The following TUSC3 variants were observed in gnomAD, a reference collection of about 807,000 sequenced individuals.
TUSC3 encodes dolichyl-diphosphooligosaccharide--protein glycosyltransferase subunit TUSC3.
A neutral mutation model predicts 44.8 loss-of-function variants in TUSC3; 45 were observed. The observed-to-expected ratio is 1.00, with a 90% CI of 0.79 to 1.29. TUSC3 has a LOEUF of 1.29. TUSC3 is among the 50% of genes most tolerant of loss of function. The pLI, the probability that TUSC3 is intolerant of heterozygous loss-of-function variation, is 0.00. For missense variants in TUSC3, 519 were observed against 437.9 expected, an observed-to-expected ratio of 1.19 and a Z score of -1.65; for synonymous variants, 212 against 152.9, an observed-to-expected ratio of 1.39 and a Z score of -2.85.
chr8:15,786,935 C>T, the TUSC3 span, among the ~76,000 whole-genome samples: 5 of 105,226 alleles, frequency 4.8e-5, no homozygotes, highest in African/African-American at 2.0e-4. Flanking sequence ...CAGAGGGAGA[C>T]TCCATCAAAA....
intron 2 of TUSC3, among the ~76,000 whole-genome samples, chr8:15,506,758 A>G: frequency 6.6e-6 from 1 of 152,046 alleles, no homozygotes; most frequent in East Asian, 1.9e-4. Context: ...CTCCCACAAC[A>G]CGTGAGGATT....
At chr8:15,435,009 T>C (rs1799927538) in intron 1 of TUSC3, among the ~76,000 whole-genome samples, 1 of 148,546 alleles carries the variant, frequency 6.7e-6, no homozygotes, top group African/African-American at 2.6e-5. Context: ...TGTGCATGTG[T>C]CTTTATAGCA....
intron 1 of TUSC3, among the ~76,000 whole-genome samples, chr8:15,463,321 C>G (rs1449407655): frequency 6.6e-6 from 1 of 152,094 alleles, no homozygotes; most frequent in Admixed American, 6.6e-5. Context: ...TCCGTCATCA[C>G]TATGAATCAC....
At chr8:15,753,607 A>G (rs1387845822) in intron 9 of TUSC3, among the ~76,000 whole-genome samples, 1 of 152,064 alleles carries the variant, frequency 6.6e-6, no homozygotes. Context: ...GTAATAATAT[A>G]TTTTACTTGG....
the TUSC3 span, among the ~76,000 whole-genome samples, chr8:15,775,715 T>C: frequency 6.9e-6 from 1 of 144,732 alleles, no homozygotes; most frequent in East Asian, 2.0e-4. Flanking sequence ...TACATATATA[T>C]ACACACACAA....
At chr8:15,502,677 G>C (rs1290332489) in intron 2 of TUSC3, among the ~76,000 whole-genome samples, 1 of 152,174 alleles carries the variant, frequency 6.6e-6, no homozygotes, top group Admixed American at 6.5e-5. Flanking sequence ...ATTTTTAGTA[G>C]AGTCAGGGTT....
chr8:15,489,361 C>G (rs1224155986), intron 2 of TUSC3, among the ~76,000 whole-genome samples: 1 of 152,114 alleles, frequency 6.6e-6, no homozygotes, highest in Admixed American at 6.5e-5. Flanking sequence ...AACCAAGGTT[C>G]TTATTATGCA....
chr8:15,797,590 T>C, the TUSC3 span, among the ~76,000 whole-genome samples: 1 of 152,126 alleles, frequency 6.6e-6, no homozygotes, highest in Non-Finnish European at 1.5e-5. Flanking sequence ...GGAAAAACAT[T>C]GGAAATTAAA....
chr8:15,819,827 G>C, the TUSC3 span, among the ~76,000 whole-genome samples: 1 of 152,174 alleles, frequency 6.6e-6, no homozygotes, highest in African/African-American at 2.4e-5. Flanking sequence ...AAATTTTCTA[G>C]AACTTGGGCG....
At chr8:15,607,136 A>G (rs530638271) in intron 1 of TUSC3, among the ~76,000 whole-genome samples, 1 of 152,078 alleles carries the variant, frequency 6.6e-6, no homozygotes, top group African/African-American at 2.4e-5. Flanking sequence ...TCCTGCCACA[A>G]ATGGTTGGGG....
At chr8:15,745,992 T>C (rs533703998) in intron 8 of TUSC3, among the ~76,000 whole-genome samples, 2 of 152,132 alleles carry the variant, frequency 1.3e-5, no homozygotes, top group African/African-American at 4.8e-5. Context: ...TAGCCAGTTA[T>C]CCCAGCAACA....
At chr8:15,618,970 T>C (rs368550475) in intron 1 of TUSC3, among the ~76,000 whole-genome samples, 2 of 152,228 alleles carry the variant, frequency 1.3e-5, no homozygotes, top group Admixed American at 6.5e-5. Flanking sequence ...CACATGACTG[T>C]ATTTCTGTGG....
intron 1 of TUSC3, among the ~76,000 whole-genome samples, chr8:15,560,208 A>G (rs1372709656): frequency 1.4e-5 from 2 of 146,344 alleles, no homozygotes; most frequent in African/African-American, 2.5e-5. Context: ...GGTGGTGACA[A>G]AATCTCTCAG....
intron 2 of TUSC3, among the ~76,000 whole-genome samples, chr8:15,531,020 C>G (rs1237172762): frequency 6.6e-6 from 1 of 152,122 alleles, no homozygotes; most frequent in Non-Finnish European, 1.5e-5. Context: ...AGCCTCAGGT[C>G]CGCATGTGTA....
At chr8:15,640,688 A>G (rs932342435) in intron 2 of TUSC3, among the ~76,000 whole-genome samples, 4 of 152,168 alleles carry the variant, frequency 2.6e-5, no homozygotes, top group African/African-American at 9.7e-5. Context: ...GTATGGTGCT[A>G]TTATATTGAT....
At chr8:15,473,583 G>C (rs1248872965) in intron 1 of TUSC3, among the ~76,000 whole-genome samples, 3 of 152,168 alleles carry the variant, frequency 2.0e-5, no homozygotes, top group Non-Finnish European at 2.9e-5. Flanking sequence ...AAGAGAAAGA[G>C]TACAAAGAGA....
rs2129179090 is a variant in TUSC3 at position 15,659,614 on chromosome 8, A to G, written c.534A>G (p.Leu178=). The change falls in exon 4 of 11, where the codon CTA becomes CTG. Residue 178 remains leucine (L), a synonymous_variant. Coordinates refer to ENST00000503731, the MANE Select transcript of TUSC3 (RefSeq NM_006765.4). ...LQRIGFAAEQ[L]AKWIADRTDV... is the part of the protein sequence containing the mutation. ...GAATTGGATTTGCAGCTGAGCAACT[A>G]GCAAAGTGGATTGCTGACAGAACGG... 1.2e-6 allele frequency: 2 copies of G among 1,613,416 alleles called. No homozygotes were observed.
chr8:15,541,348 T>C (rs1036644489), intron 1 of TUSC3, among the ~76,000 whole-genome samples: 1 of 152,208 alleles, frequency 6.6e-6, no homozygotes, highest in Non-Finnish European at 1.5e-5. Context: ...ATCTAGCTGC[T>C]TCAGCAAAAA....
the TUSC3 span, among the ~76,000 whole-genome samples, chr8:15,844,383 C>G: frequency 6.6e-6 from 1 of 151,978 alleles, no homozygotes; most frequent in African/African-American, 2.4e-5. Context: ...GATTAATAAG[C>G]TAAGAGTCTA....
Sources: gnomAD v4.1 joint callset for allele counts (sites outside exome capture counted in the v4.1 genomes callset) on GRCh38, gnomAD v4.1.1 for gene constraint, MANE v1.5 for transcripts, NCBI Gene and HGNC (gene_info 2026-07-23, HGNC 2026-07-21) for gene names.